The following SNTG1 variants were observed in gnomAD, a reference collection of about 807,000 sequenced individuals.
SNTG1 encodes the protein gamma-1-syntrophin.
In SNTG1, 39 loss-of-function variants were observed where a neutral mutation model predicts 74.7. The ratio of observed to expected loss-of-function variants is 0.52; its 90% CI spans 0.40 to 0.68. The LOEUF is 0.68. SNTG1 is among the 30% of genes least tolerant of loss of function. SNTG1 has a pLI of 0.00. For missense variants in SNTG1, 685 were observed against 609.5 expected, an observed-to-expected ratio of 1.12 and a Z score of -1.30; for synonymous variants, 254 against 217.1, an observed-to-expected ratio of 1.17 and a Z score of -1.49.
chr8:50,716,218 ATGT>A (rs1296538650), intron 17 of SNTG1, among the ~76,000 whole-genome samples: 8 of 152,214 alleles, frequency 5.3e-5, no homozygotes, highest in East Asian at 1.9e-4. Flanking sequence ...CTTAAATTTT[ATGT>A]TATTATTCCA....
At chr8:50,457,959 G>C (rs1470914483) in intron 8 of SNTG1, 1 of 152,188 alleles carries the variant, frequency 6.6e-6, no homozygotes, top group African/African-American at 2.4e-5. Context: ...AGAGGTGAGA[G>C]GATTCTTTTT....
At chr8:50,032,200 G>C (rs1817794419) in intron 1 of SNTG1, among the ~76,000 whole-genome samples, 1 of 151,600 alleles carries the variant, frequency 6.6e-6, no homozygotes, top group African/African-American at 2.4e-5. Context: ...TTTCAGTCTT[G>C]CTACAGATGT....
At chr8:50,768,861 T>C (rs2131774995) in intron 18 of SNTG1, among the ~76,000 whole-genome samples, 1 of 152,156 alleles carries the variant, frequency 6.6e-6, no homozygotes, top group East Asian at 1.9e-4. Flanking sequence ...AACTCACATT[T>C]GTGCAGGTGT....
chr8:50,676,700 A>G (rs1404075204), intron 15 of SNTG1, among the ~76,000 whole-genome samples: 1 of 151,796 alleles, frequency 6.6e-6, no homozygotes, highest in Non-Finnish European at 1.5e-5. Flanking sequence ...TTTTTTTGAC[A>G]GGTGTGAGTA....
chr8:50,214,961 G>A (rs1199282197), intron 2 of SNTG1, among the ~76,000 whole-genome samples: 1 of 152,148 alleles, frequency 6.6e-6, no homozygotes, highest in Admixed American at 6.6e-5. Flanking sequence ...ACTTCATTTA[G>A]TGGCACGTCC....
intron 3 of SNTG1, among the ~76,000 whole-genome samples, chr8:50,395,251 T>C (rs2092712277): frequency 6.6e-6 from 1 of 152,200 alleles, no homozygotes; most frequent in African/African-American, 2.4e-5. Context: ...ATTGCTTTTA[T>C]ATTTCTATTC....
intron 1 of SNTG1, among the ~76,000 whole-genome samples, chr8:50,068,771 T>C (rs1225072909): frequency 6.6e-6 from 1 of 152,162 alleles, no homozygotes; most frequent in Non-Finnish European, 1.5e-5. Context: ...GTGGCTGCTG[T>C]TGAATGTTGA....
intron 1 of SNTG1, among the ~76,000 whole-genome samples, chr8:50,151,089 G>A (rs1028386433): frequency 6.6e-6 from 1 of 152,060 alleles, no homozygotes; most frequent in African/African-American, 2.4e-5. Flanking sequence ...CAATTTCAGA[G>A]CCTGTTATTG....
intron 2 of SNTG1, among the ~76,000 whole-genome samples, chr8:50,207,819 A>G (rs2084319819): frequency 6.6e-6 from 1 of 152,088 alleles, no homozygotes; most frequent in Admixed American, 6.5e-5. Flanking sequence ...TCCTTTCTTT[A>G]TGTACCCAGT....
chr8:49,918,453 C>T (rs1208496636), intron 1 of SNTG1, among the ~76,000 whole-genome samples: 9 of 152,150 alleles, frequency 5.9e-5, no homozygotes, highest in Non-Finnish European at 1.2e-4. Context: ...CTAATATCTG[C>T]AAATATCCCT....
intron 1 of SNTG1, among the ~76,000 whole-genome samples, chr8:49,972,147 G>A (rs1250261648): frequency 4.6e-5 from 7 of 152,130 alleles, no homozygotes; most frequent in Non-Finnish European, 1.0e-4. Flanking sequence ...AAAACAGCAT[G>A]GTACTGGTAC....
intron 1 of SNTG1, among the ~76,000 whole-genome samples, chr8:50,119,679 A>AT (rs2080933609): frequency 7.0e-6 from 1 of 141,960 alleles, no homozygotes; most frequent in Non-Finnish European, 1.6e-5. Context: ...GCTAGCTATT[A>AT]TTTTTTATCA....
chr8:50,784,311 T>C (rs2095668458), intron 18 of SNTG1, among the ~76,000 whole-genome samples: 1 of 152,156 alleles, frequency 6.6e-6, no homozygotes, highest in African/African-American at 2.4e-5. Flanking sequence ...GCTTTATAGC[T>C]AAACACACAT....
intron 16 of SNTG1, 54 bp downstream of exon 16, chr8:50,704,806 TC>T: frequency 6.3e-7 from 1 of 1,580,764 alleles, no homozygotes; most frequent in Non-Finnish European, 8.7e-7. Context: ...CATGACCACT[TC>T]CCTAGAGTTC....
chr8:50,051,321 T>A (rs1819556748), intron 1 of SNTG1, among the ~76,000 whole-genome samples: 1 of 151,222 alleles, frequency 6.6e-6, no homozygotes, highest in Non-Finnish European at 1.5e-5. Context: ...GATAACAGCA[T>A]ATAAGATCGA....
intron 18 of SNTG1, among the ~76,000 whole-genome samples, chr8:50,759,638 T>C (rs1423981146): frequency 6.6e-6 from 1 of 152,096 alleles, no homozygotes; most frequent in South Asian, 2.1e-4. Context: ...GTATTATTTC[T>C]GAGGACTCAT....
At chr8:50,146,689 C>A (rs2081880683) in intron 1 of SNTG1, among the ~76,000 whole-genome samples, 1 of 152,100 alleles carries the variant, frequency 6.6e-6, no homozygotes, top group Non-Finnish European at 1.5e-5. Flanking sequence ...CCTGTGCCTG[C>A]CGATCCTCAC....
intron 13 of SNTG1, among the ~76,000 whole-genome samples, chr8:50,615,575 A>G (rs1057400705): frequency 6.6e-6 from 1 of 152,194 alleles, no homozygotes; most frequent in Non-Finnish European, 1.5e-5. Flanking sequence ...TCATCATGCC[A>G]TAGGAACTCT....
intron 1 of SNTG1, among the ~76,000 whole-genome samples, chr8:50,075,636 T>C (rs1209233004): frequency 1.3e-5 from 2 of 152,184 alleles, no homozygotes; most frequent in South Asian, 2.1e-4. Flanking sequence ...CTTCCTACGC[T>C]GTGGAGCTTT....
Sources: allele counts gnomAD v4.1 joint callset (sites outside exome capture counted in the v4.1 genomes callset), GRCh38; gene constraint gnomAD v4.1.1; transcripts MANE v1.5; gene names NCBI Gene and HGNC (gene_info 2026-07-23, HGNC 2026-07-21).